Variants in DOCK1 observed in about 807,000 individuals in gnomAD.
DOCK1 encodes the protein dedicator of cytokinesis 1, also known as dedicator of cytokinesis protein 1.
A neutral mutation model predicts 262.7 loss-of-function variants in DOCK1; 138 were observed. That is an observed-to-expected ratio of 0.53 (90% CI 0.46 to 0.61). The LOEUF is 0.61. Among genes scored for constraint, DOCK1 ranks in the 20% least tolerant of loss-of-function variants. The pLI, the probability that DOCK1 is intolerant of heterozygous loss-of-function variation, is 0.00. For synonymous variants in DOCK1, 866 were observed against 867.4 expected, an observed-to-expected ratio of 1.00 and a Z score of 0.03; for missense variants, 1,908 against 2,370.7, an observed-to-expected ratio of 0.80 and a Z score of 4.05.
intron 40 of DOCK1, among the ~76,000 whole-genome samples, chr10:127,404,733 G>A (rs1261798465): frequency 2.0e-5 from 3 of 152,188 alleles, no homozygotes; most frequent in Non-Finnish European, 4.4e-5. Context: ...ATTTTTAGGT[G>A]TGTAGTTCGG....
intron 1 of DOCK1, among the ~76,000 whole-genome samples, chr10:126,938,785 A>G (rs1346724105): frequency 2.0e-5 from 1 of 50,848 alleles, no homozygotes; most frequent in Admixed American, 1.6e-4. Flanking sequence ...GGGGATGAAC[A>G]CCAGCGGGGA....
At chr10:127,278,057 C>G (rs1281471950) in intron 29 of DOCK1, among the ~76,000 whole-genome samples, 2 of 151,334 alleles carry the variant, frequency 1.3e-5, no homozygotes, top group African/African-American at 4.8e-5. Flanking sequence ...CACACGCTTC[C>G]CTCTTAGCTG....
In DOCK1 at chr10:127,037,783, G is replaced by A. The variant is rs374487522; in HGVS notation, c.1977G>A (p.Gln659=). Residue 659 remains glutamine (Q), a synonymous_variant, in exon 19 of 52, where the codon CAG becomes CAA. Coordinates refer to ENST00000623213, the MANE Select transcript of DOCK1 (RefSeq NM_001290223.2). ...NTSLLQQNLR[Q]LMKVDGGEVV... ...GCCTGCTGCAGCAGAACTTGAGGCAGCTGATGAAAGTCGATGGTGGTGAAG... is the reference window on the plus strand; with the variant it reads ...GCCTGCTGCAGCAGAACTTGAGGCAACTGATGAAAGTCGATGGTGGTGAAG... 2.0e-4 allele frequency: 327 copies of A among 1,600,856 alleles called. No homozygotes were observed. Among genetic ancestry groups the A allele is most frequent in the Non-Finnish European group, 2.7e-4 (319 of 1,173,860 alleles).
rs577939591 is a variant in DOCK1, at chr10:127,381,474, G to T, written c.3807+106G>T. On this transcript the variant is annotated intron_variant, in intron 37 of 51. Coordinates refer to ENST00000623213, the MANE Select transcript of DOCK1 (RefSeq NM_001290223.2). ...AATTTTAGTAGGCCTATAACTTAAG[G>T]TTTTATGAAATTGACTAAATAAATG... 6 of 971,556 alleles carry T rather than the reference G, an allele frequency of 6.2e-6. No homozygotes were observed. The Admixed American group carries it at 8.7e-5, about 14-fold the overall frequency. The allele number at this position is 971,556 out of a possible 1,614,324, so 60.2% of individuals were successfully genotyped here. A position where few individuals can be genotyped will look rare whatever the true frequency, so the allele number is the denominator to read the frequency against.
In DOCK1 at chr10:127,409,344, C is replaced by T. The variant is rs767637093; in HGVS notation, c.4296C>T (p.Leu1432=). Residue 1432 remains leucine, a synonymous_variant, in exon 42 of 52, where the codon CTC becomes CTT. Coordinates refer to ENST00000623213, the MANE Select transcript of DOCK1 (RefSeq NM_001290223.2). The part of the protein sequence containing the change: ...YIQCFTVKPK[L]DLPPKFHRPV... ...AGTGCTTCACAGTGAAGCCCAAACT[C>T]GATCTGCCTCCTAAGTTTCACAGGC... is the stretch of plus-strand genomic sequence containing the variant. 31 of 1,613,968 alleles carry T rather than the reference C, an allele frequency of 1.9e-5. 1 individual carries two copies. In the Admixed American group the frequency reaches 2.3e-4, roughly 12 times the overall value.
intron 1 of DOCK1, among the ~76,000 whole-genome samples, chr10:126,959,814 T>C (rs1183276764): frequency 2.0e-5 from 3 of 152,002 alleles, no homozygotes; most frequent in Non-Finnish European, 4.4e-5. Flanking sequence ...GTCTGCTCTT[T>C]AGTTTCTTTC....
Position 127,428,957 on chromosome 10 carries a change from G to GTGTGGATTCGGGTACCA in DOCK1, c.4914+2955_4914+2971dup, listed in dbSNP as rs1395269942. Among the ~76,000 whole-genome samples the GTGTGGATTCGGGTACCA allele has an allele frequency of 6.6e-5, 7 of 105,760 alleles. 1 individual carries two copies. Among genetic ancestry groups the GTGTGGATTCGGGTACCA allele is most frequent in the African/African-American group, 3.0e-4 (7 of 23,596 alleles). 69.4% of individuals were successfully genotyped at this position (105,760 alleles called of 152,430 possible). ...ATTGTGCCGTGTGGATTGGGGTGCTGTGTGGATTCGGGTACCATGTGGATT... is the reference window on the plus strand; with the variant it reads ...ATTGTGCCGTGTGGATTGGGGTGCTGTGTGGATTCGGGTACCATGTGGATTCGGGTACCATGTGGATT... On this transcript the variant is annotated intron_variant, in intron 47 of 51. Transcript: ENST00000623213.
chr10:126,920,188 TG>T (rs2033038349), intron 1 of DOCK1, among the ~76,000 whole-genome samples: 1 of 152,260 alleles, frequency 6.6e-6, no homozygotes, highest in Non-Finnish European at 1.5e-5. Context: ...CGACTCTGTA[TG>T]TTCTTCAGAT....
intron 11 of DOCK1, among the ~76,000 whole-genome samples, chr10:127,009,076 C>G (rs1338724710): frequency 1.3e-5 from 2 of 152,178 alleles, no homozygotes; most frequent in Non-Finnish European, 2.9e-5. Context: ...CAGCTCTGCT[C>G]TGAGCCTGAA....
At chr10:127,244,828 T>C (rs1052622760) in intron 27 of DOCK1, among the ~76,000 whole-genome samples, 1 of 152,228 alleles carries the variant, frequency 6.6e-6, no homozygotes, top group Non-Finnish European at 1.5e-5. Context: ...GGGATGGTTC[T>C]GCACAGTGGC....
rs12415913 is a variant in DOCK1, at chr10:127,285,701, C to T, written c.3044+28272C>T. ...CAGACCGCCAAGGTCATGCCATCTT[C>T]TGGGCACTGGTAGTCCCTATGGAGC... On this transcript the variant is annotated intron_variant, in intron 29 of 51. Coordinates refer to ENST00000623213, the MANE Select transcript of DOCK1 (RefSeq NM_001290223.2). 4.0e-3 allele frequency among the ~76,000 whole-genome samples: 605 copies of T among 152,360 alleles called. 9 individuals are homozygous for T. The highest frequency in any genetic ancestry group is 0.032 in the Admixed American group (491 of 15,304).
intron 32 of DOCK1, among the ~76,000 whole-genome samples, chr10:127,355,805 A>G (rs2064117522): frequency 6.6e-6 from 1 of 152,292 alleles, no homozygotes; most frequent in South Asian, 2.1e-4. Context: ...GCTGGAGAGC[A>G]TGGCAAGAAA....
intron 27 of DOCK1, among the ~76,000 whole-genome samples, chr10:127,129,393 A>G (rs2050168130): frequency 1.3e-5 from 2 of 152,224 alleles, no homozygotes; most frequent in African/African-American, 2.4e-5. Context: ...AAATGTTTCC[A>G]TGTAAATTGG....
rs574160917 is a variant in DOCK1, at chr10:127,391,810, C to T, written c.3927+6901C>T. 3.9e-5 allele frequency among the ~76,000 whole-genome samples: 6 copies of T among 152,238 alleles called. No individual in the cohort carries two copies. The South Asian group carries it at 6.2e-4, about 16-fold the overall frequency. On this transcript the variant is annotated intron_variant, in intron 38 of 51. Coordinates refer to ENST00000623213, the MANE Select transcript of DOCK1 (RefSeq NM_001290223.2). ...CTGAGATCCCTACCCACTCTCCTCCCCAAGGCCCCATGCCTGTCTCCACCC... is the reference window on the plus strand; with the variant it reads ...CTGAGATCCCTACCCACTCTCCTCCTCAAGGCCCCATGCCTGTCTCCACCC...
At chr10:127,074,031 C>T (rs1459248282) in intron 23 of DOCK1, among the ~76,000 whole-genome samples, 2 of 152,138 alleles carry the variant, frequency 1.3e-5, no homozygotes, top group African/African-American at 4.8e-5. Context: ...TATTGAGAAA[C>T]ATGTCAACTA....
At chr10:127,367,195 T>C (rs1224156365) in intron 33 of DOCK1, among the ~76,000 whole-genome samples, 2 of 152,244 alleles carry the variant, frequency 1.3e-5, no homozygotes, top group Non-Finnish European at 2.9e-5. Flanking sequence ...CCGGAGTTTC[T>C]GCTCTTGTGC....
chr10:127,322,347 G>A (rs1315797901), intron 29 of DOCK1, among the ~76,000 whole-genome samples: 1 of 148,882 alleles, frequency 6.7e-6, no homozygotes, highest in Non-Finnish European at 1.5e-5. Context: ...GTGCCACCAT[G>A]CCTGGATAAT....
intron 1 of DOCK1, among the ~76,000 whole-genome samples, chr10:126,946,679 T>C (rs1367792111): frequency 2.0e-5 from 3 of 152,234 alleles, no homozygotes; most frequent in Non-Finnish European, 4.4e-5. Context: ...ATTTGTCCTT[T>C]TGTGCCTGGC....
chr10:127,434,953 A>T (rs923491952), intron 48 of DOCK1, among the ~76,000 whole-genome samples: 1 of 152,118 alleles, frequency 6.6e-6, no homozygotes, highest in Admixed American at 6.5e-5. Context: ...CGCCTGGCCA[A>T]CGTCCACTTT....
Sources: allele counts gnomAD v4.1 joint callset (sites outside exome capture counted in the v4.1 genomes callset), GRCh38; gene constraint gnomAD v4.1.1; transcripts MANE v1.5; gene names NCBI Gene and HGNC (gene_info 2026-07-23, HGNC 2026-07-21).